Variants in DGKB observed in about 807,000 individuals in gnomAD.
DGKB encodes the protein 90 kDa diacylglycerol kinase.
DGKB carries 67 observed loss-of-function variants against 114.3 expected under a neutral mutation model. The observed-to-expected ratio is 0.59, with a 90% CI of 0.48 to 0.72. DGKB has a LOEUF of 0.72. DGKB is among the 30% of genes least tolerant of loss of function. The pLI is 0.00. For synonymous variants in DGKB, 398 were observed against 323.1 expected, an observed-to-expected ratio of 1.23 and a Z score of -2.49; for missense variants, 907 against 975.2, an observed-to-expected ratio of 0.93 and a Z score of 0.93.
intron 25 of DGKB, among the ~76,000 whole-genome samples, chr7:14,151,894 G>T (rs967358080): frequency 6.6e-6 from 1 of 151,814 alleles, no homozygotes. Context: ...GGTATATTTG[G>T]GCAGAAGCAA....
At position 14,422,104 on chromosome 7, in the gene DGKB, A is replaced by T. The variant is rs961074835; in HGVS notation, c.1835+56057T>A. Among the ~76,000 whole-genome samples the T allele has an allele frequency of 2.0e-5, 3 of 152,144 alleles. No individual in the cohort carries two copies. In the East Asian group the frequency reaches 5.8e-4, roughly 29 times the overall value. On this transcript the variant is annotated intron_variant, in intron 21 of 25. Transcript: ENST00000402815. ...GCACTTGTGACAACTAATCTCCTTT[A>T]TCAATTTGCTGAATCATATTACCTT... is the stretch of plus-strand genomic sequence containing the variant.
intron 1 of DGKB, among the ~76,000 whole-genome samples, chr7:14,919,062 G>GCAAACA (rs1554345123): frequency 8.5e-6 from 1 of 118,064 alleles, no homozygotes; most frequent in Non-Finnish European, 1.7e-5. Context: ...TCCACCACAC[G>GCAAACA]CACACACACA....
At chr7:14,764,380 C>A (rs941066863) in intron 2 of DGKB, among the ~76,000 whole-genome samples, 3 of 151,862 alleles carry the variant, frequency 2.0e-5, no homozygotes, top group African/African-American at 7.2e-5. Flanking sequence ...TGTTACATTT[C>A]ATAAAGTTTC....
At chr7:14,852,498 C>CAAAAAAAAAA (rs1849542818) in intron 1 of DGKB, among the ~76,000 whole-genome samples, 1 of 33,922 alleles carries the variant, frequency 2.9e-5, no homozygotes, top group African/African-American at 1.2e-4. Context: ...AAAAAAAAAA[C>CAAAAAAAAAA]AGAAATCAAG....
At chr7:14,706,839 C>A (rs1454203191) in intron 6 of DGKB, among the ~76,000 whole-genome samples, 7 of 115,198 alleles carry the variant, frequency 6.1e-5, no homozygotes, top group Non-Finnish European at 1.2e-4. Flanking sequence ...AAATTTATAG[C>A]ACTAAATGCC....
intron 21 of DGKB, among the ~76,000 whole-genome samples, chr7:14,473,248 C>G (rs1781682094): frequency 6.6e-6 from 1 of 152,188 alleles, no homozygotes; most frequent in Non-Finnish European, 1.5e-5. Flanking sequence ...TGTGTCCCAG[C>G]TGCACCATCC....
intron 1 of DGKB, among the ~76,000 whole-genome samples, chr7:14,873,609 T>C (rs1230640949): frequency 6.6e-6 from 1 of 151,892 alleles, no homozygotes; most frequent in African/African-American, 2.4e-5. Context: ...ACCAACCTAA[T>C]CTCCATTAAC....
At chr7:14,390,737 T>C (rs1821184285) in intron 21 of DGKB, among the ~76,000 whole-genome samples, 1 of 152,208 alleles carries the variant, frequency 6.6e-6, no homozygotes, top group Non-Finnish European at 1.5e-5. Context: ...TCTTGGCATG[T>C]ATTTCATTTA....
At chr7:14,665,503 A>G (rs1247027781) in intron 13 of DGKB, among the ~76,000 whole-genome samples, 1 of 152,002 alleles carries the variant, frequency 6.6e-6, no homozygotes, top group Non-Finnish European at 1.5e-5. Flanking sequence ...CTGTACATGG[A>G]CCCTTGAACC....
chr7:14,705,921 C>A (rs150031030), intron 6 of DGKB, among the ~76,000 whole-genome samples: 4,734 of 151,768 alleles, frequency 0.031, 245 homozygotes, highest in African/African-American at 0.11. Flanking sequence ...CGAGCAAAAT[C>A]ACCAGCTAAC....
chr7:14,555,561 T>G (rs1795753340), intron 20 of DGKB, among the ~76,000 whole-genome samples: 1 of 152,184 alleles, frequency 6.6e-6, no homozygotes, highest in Admixed American at 6.5e-5. Context: ...TGAAGGAATG[T>G]CAGAGGCATT....
chr7:14,890,127 TC>T (rs1371054209), intron 1 of DGKB, among the ~76,000 whole-genome samples: 1 of 151,504 alleles, frequency 6.6e-6, no homozygotes, highest in African/African-American at 2.4e-5. Context: ...CCATTAAAAA[TC>T]CCACAGATAA....
intron 5 of DGKB, among the ~76,000 whole-genome samples, chr7:14,724,596 T>C (rs59815584): frequency 0.022 from 3,400 of 152,264 alleles, 138 homozygotes; most frequent in African/African-American, 0.077. Flanking sequence ...GTATAGGTCT[T>C]TGGGGATAAC....
At chr7:14,685,393 C>A in intron 9 of DGKB, 31 bp from the exon 10 acceptor site, 2 of 1,486,210 alleles carry the variant, frequency 1.3e-6, no homozygotes. Flanking sequence ...ACAGATTTCA[C>A]TTAATGAAAT....
Position 14,176,837 on chromosome 7 carries a change from A to G in DGKB, c.2304+2T>C. On this transcript the variant is annotated splice_donor_variant, in intron 25 of 25. Coordinates refer to ENST00000402815, the MANE Select transcript of DGKB (RefSeq NM_001350709.2). LOFTEE classifies it high-confidence loss of function. The stretch of plus-strand genomic sequence containing the variant: ...ATAGCATATCAACTACTCTGTACTC[A>G]CTGTGCATGGGGTCTGCATCCATGG... 1 of 1,613,808 alleles carries G rather than the reference A, an allele frequency of 6.2e-7. No individual in the cohort carries two copies. The highest frequency in any genetic ancestry group is 8.5e-7 in the Non-Finnish European group (1 of 1,179,766).
At chr7:14,237,141 T>C (rs17708877) in intron 23 of DGKB, among the ~76,000 whole-genome samples, 15,947 of 152,070 alleles carry the variant, frequency 0.1, 1,026 homozygotes, top group Non-Finnish European at 0.15. Context: ...AGCACATTTC[T>C]ACATGAATCA....
chr7:14,399,439 ATTAG>A lies in DGKB; in HGVS notation c.1836-54052_1836-54049del, dbSNP rs557956021. ...GACAGAAGTATGTAACTTGTTTGAT[ATTAG>A]TTAAATTTAGAAAAATTATATTTTA... On this transcript the variant is annotated intron_variant, in intron 21 of 25. Transcript: ENST00000402815. Among the ~76,000 whole-genome samples, 46 of 151,770 alleles carry A rather than the reference ATTAG, an allele frequency of 3.0e-4. No individual in the cohort carries two copies. In the East Asian group the frequency reaches 8.3e-3, roughly 27 times the overall value.
chr7:14,794,980 A>G (rs1841198746), intron 2 of DGKB, among the ~76,000 whole-genome samples: 1 of 151,964 alleles, frequency 6.6e-6, no homozygotes, highest in Admixed American at 6.6e-5. Flanking sequence ...AACTGTAATG[A>G]CCTCCCCCAA....
chr7:14,234,968 T>G (rs762503649), intron 23 of DGKB, among the ~76,000 whole-genome samples: 1 of 152,102 alleles, frequency 6.6e-6, no homozygotes, highest in Non-Finnish European at 1.5e-5. Flanking sequence ...GAAACTCATT[T>G]TAAATGCCTT....
Sources: allele counts gnomAD v4.1 joint callset (sites outside exome capture counted in the v4.1 genomes callset), GRCh38; gene constraint gnomAD v4.1.1; transcripts MANE v1.5; gene names NCBI Gene and HGNC (gene_info 2026-07-23, HGNC 2026-07-21).